CCL17: variants seen among roughly 807,000 people sequenced by gnomAD.
The protein encoded by CCL17 is C-C motif chemokine 17.
CCL17 carries 8 observed loss-of-function variants against 7.4 expected under a neutral mutation model. That is an observed-to-expected ratio of 1.09 (90% confidence interval 0.64 to 1.96). CCL17 has a LOEUF of 1.96. Ranked by LOEUF, CCL17 falls within the 30% of genes most tolerant of loss-of-function variation. The pLI, the probability that CCL17 is intolerant of heterozygous loss-of-function variation, is 0.00. For missense variants in CCL17, 102 were observed against 113.0 expected (o/e 0.90, Z 0.44); for synonymous variants, 40 against 46.1 (o/e 0.87, Z 0.54).
At chr16:57,414,458 G>A (rs1371063554) in intron 2 of CCL17, among the ~76,000 whole-genome samples, 8 of 112,672 alleles carry the variant, frequency 7.1e-5, no homozygotes, top group African/African-American at 1.8e-4. Context: ...TTGCGCTGTC[G>A]CCCAGGCTGG....
chr16:57,403,185 AAT>A (rs1466155923), upstream of CCL17, among the ~76,000 whole-genome samples: 3 of 49,250 alleles, frequency 6.1e-5, no homozygotes, highest in South Asian at 1.6e-3. Context: ...TAATATATAT[AAT>A]ATATATTATT....
chr16:57,410,168 G>C (rs940654010), intron 1 of CCL17, among the ~76,000 whole-genome samples: 4 of 152,136 alleles, frequency 2.6e-5, no homozygotes, highest in Non-Finnish European at 5.9e-5. Flanking sequence ...CCACTGCCTC[G>C]GGGACAGGCT....
At chr16:57,403,640 T>C (rs1462083677), upstream of CCL17, among the ~76,000 whole-genome samples, 1 of 73,794 alleles carries the variant, frequency 1.4e-5, no homozygotes, top group African/African-American at 7.6e-5. Flanking sequence ...ATATATATTA[T>C]AAATATATAT....
At chr16:57,402,843 T>C (rs1410252520), upstream of CCL17, among the ~76,000 whole-genome samples, 1 of 151,786 alleles carries the variant, frequency 6.6e-6, no homozygotes, top group African/African-American at 2.4e-5. Flanking sequence ...AAACTATGTA[T>C]TGAAGGCCTA....
intron 1 of CCL17, among the ~76,000 whole-genome samples, chr16:57,409,400 A>G (rs531477954): frequency 6.6e-6 from 1 of 152,290 alleles, no homozygotes; most frequent in East Asian, 1.9e-4. Flanking sequence ...ATGGAGCTGG[A>G]GGAAAAAGTT....
upstream of CCL17, among the ~76,000 whole-genome samples, chr16:57,401,823 A>G (rs1902598363): frequency 6.6e-6 from 1 of 152,126 alleles, no homozygotes; most frequent in African/African-American, 2.4e-5. Flanking sequence ...GTGCCCCTCC[A>G]AGGAATCTGG....
Position 57,415,963 on chromosome 16 carries a change from C to T in CCL17, c.*102C>T. The T allele has an allele frequency of 2.7e-6, 2 of 728,828 alleles. No homozygotes were observed. Among genetic ancestry groups the T allele is most frequent in the Non-Finnish European group, 4.9e-6 (2 of 410,782 alleles). 45.1% of individuals were successfully genotyped at this position (728,828 alleles called of 1,614,324 possible). A position where few individuals can be genotyped will look rare whatever the true frequency, so the allele number is the denominator to read the frequency against. On this transcript the variant is annotated 3_prime_UTR_variant, in exon 4 of 4. Coordinates refer to ENST00000219244, the MANE Select transcript of CCL17 (RefSeq NM_002987.3). This position sits in a 1 kb window ranked among gnomAD's most constrained non-coding sequence, Gnocchi z 4.5. Reference sequence around the variant, plus strand: ...CCTGAGCGCCTGGGTCCAGGGGAGGCCTTCCAGGGACGAAGAAGAGCCACA... The same window carrying T: ...CCTGAGCGCCTGGGTCCAGGGGAGGTCTTCCAGGGACGAAGAAGAGCCACA...
Position 57,415,283 on chromosome 16 carries a change from G to T in CCL17, c.188+85G>T, listed in dbSNP as rs542651329. 41 of 886,738 alleles carry T rather than the reference G, an allele frequency of 4.6e-5. No individual in the cohort carries two copies. The highest frequency in any genetic ancestry group is 4.5e-4 in the South Asian group (34 of 74,850). 54.9% of individuals were successfully genotyped at this position (886,738 alleles called of 1,614,324 possible). A position where few individuals can be genotyped will look rare whatever the true frequency, so the allele number is the denominator to read the frequency against. ...TGGAGCTCCCAGGACGGCCAATGGG[G>T]AGCAGGGAAGAGACAGCGGGGCCTT... On this transcript the variant is annotated intron_variant, in intron 3 of 3. Coordinates refer to ENST00000219244, the MANE Select transcript of CCL17 (RefSeq NM_002987.3). The surrounding 1 kb of genome is among the most constrained non-coding windows in gnomAD (Gnocchi z 4.5).
chr16:57,410,140 A>T (rs1902760813), intron 1 of CCL17, among the ~76,000 whole-genome samples: 1 of 152,158 alleles, frequency 6.6e-6, no homozygotes, highest in Admixed American at 6.5e-5. Context: ...CCTGTGACTG[A>T]GAGCATCCTG....
At chr16:57,414,312 T>A (rs1305178306) in intron 2 of CCL17, among the ~76,000 whole-genome samples, 1 of 151,906 alleles carries the variant, frequency 6.6e-6, no homozygotes, top group South Asian at 2.1e-4. Context: ...TTCTCAAAAT[T>A]ATTTATTAGC....
In CCL17 at chr16:57,413,947, G is replaced by A. The variant is rs34693308; in HGVS notation, c.15G>A (p.Lys5=). 6.2e-7 allele frequency: 1 copy of A among 1,609,292 alleles called. No individual in the cohort carries two copies. Among genetic ancestry groups the A allele is most frequent in the Non-Finnish European group, 8.5e-7 (1 of 1,178,084 alleles). ...CTCCTGGCACCATGGCCCCACTGAAGATGCTGGCCCTGGTCACCCTCCTCC... is the reference window on the plus strand; with the variant it reads ...CTCCTGGCACCATGGCCCCACTGAAAATGCTGGCCCTGGTCACCCTCCTCC... MAPL[K]MLALVTLLLG... is the part of the protein sequence containing the mutation. Residue 5 remains lysine (K), a synonymous_variant, in exon 2 of 4, where the codon AAG becomes AAA. Coordinates refer to ENST00000219244, the MANE Select transcript of CCL17 (RefSeq NM_002987.3).
chr16:57,405,599 G>C (rs1902682612), intron 1 of CCL17, among the ~76,000 whole-genome samples: 1 of 152,180 alleles, frequency 6.6e-6, no homozygotes, highest in African/African-American at 2.4e-5. Flanking sequence ...GGTTAGTGTG[G>C]GGGACAGAAC....
At chr16:57,407,477 G>A (rs967450376) in intron 1 of CCL17, among the ~76,000 whole-genome samples, 1 of 152,152 alleles carries the variant, frequency 6.6e-6, no homozygotes, top group Non-Finnish European at 1.5e-5. Context: ...GAGGCCCTGG[G>A]ATAGAATGTG....
upstream of CCL17, among the ~76,000 whole-genome samples, chr16:57,402,874 C>T (rs1479124327): frequency 2.6e-5 from 4 of 151,464 alleles, 1 homozygote; most frequent in Admixed American, 2.6e-4. Context: ...AGATATATTC[C>T]ATTAAAGAAA....
At chr16:57,403,752 G>A (rs1279910746), upstream of CCL17, among the ~76,000 whole-genome samples, 1 of 139,134 alleles carries the variant, frequency 7.2e-6, no homozygotes, top group Non-Finnish European at 1.5e-5. Flanking sequence ...TGCCTCCTGG[G>A]TTCAAGTGAT....
intron 1 of CCL17, among the ~76,000 whole-genome samples, chr16:57,411,932 C>T (rs1357549178): frequency 2.6e-5 from 4 of 152,214 alleles, no homozygotes; most frequent in Non-Finnish European, 5.9e-5. Context: ...GCAGCCTCCC[C>T]TCCCCCTCCT....
chr16:57,405,258 G>A (rs183965759), intron 1 of CCL17, among the ~76,000 whole-genome samples: 1 of 152,164 alleles, frequency 6.6e-6, no homozygotes, highest in Admixed American at 6.5e-5. Context: ...AGAGACCAGA[G>A]AGGAAGAAAT....
intron 1 of CCL17, among the ~76,000 whole-genome samples, chr16:57,406,303 AT>A (rs1314964604): frequency 6.6e-6 from 1 of 151,766 alleles, no homozygotes; most frequent in Non-Finnish European, 1.5e-5. Flanking sequence ...TTTTCATTTT[AT>A]TTTTTTTGTA....
intron 1 of CCL17, among the ~76,000 whole-genome samples, chr16:57,407,271 G>A (rs911375875): frequency 1.3e-5 from 2 of 152,234 alleles, no homozygotes; most frequent in South Asian, 2.1e-4. Flanking sequence ...GATGAATAAA[G>A]GTTGAGATCC....
Sources: gnomAD v4.1 joint callset for allele counts (sites outside exome capture counted in the v4.1 genomes callset) on GRCh38, gnomAD v4.1.1 for gene constraint, Gnocchi (gnomAD v3.1) non-coding constraint, MANE v1.5 for transcripts, NCBI Gene and HGNC (gene_info 2026-07-23, HGNC 2026-07-21) for gene names.